Variants in MAP3K21 observed in about 807,000 individuals in gnomAD.
The protein encoded by MAP3K21 is mitogen-activated protein kinase kinase kinase 21.
MAP3K21 carries 63 observed loss-of-function variants against 86.1 expected under a neutral mutation model. That is an observed-to-expected ratio of 0.73 (90% confidence interval 0.60 to 0.90). The LOEUF (loss-of-function observed/expected upper bound fraction) is 0.90, where lower values mean the gene tolerates loss of function less well. Among genes scored for constraint, MAP3K21 ranks in the 40% least tolerant of loss-of-function variants. The pLI, the probability that MAP3K21 is intolerant of heterozygous loss-of-function variation, is 0.00. For synonymous variants in MAP3K21, 558 were observed against 564.8 expected, an observed-to-expected ratio of 0.99 and a Z score of 0.17; for missense variants, 1,220 against 1,367.7, an observed-to-expected ratio of 0.89 and a Z score of 1.70.
chr1:233,354,013 A>AT (rs1205131350), intron 3 of MAP3K21, 58 bp downstream of exon 3: 6 of 1,375,862 alleles, frequency 4.4e-6, no homozygotes, highest in Non-Finnish European at 5.7e-6. Flanking sequence ...TTAGAATATC[A>AT]TTTTTTAAAA....
At chr1:233,342,833 T>G (rs1422671245) in intron 1 of MAP3K21, among the ~76,000 whole-genome samples, 3 of 152,120 alleles carry the variant, frequency 2.0e-5, no homozygotes, top group Non-Finnish European at 4.4e-5. Context: ...CCATGTAGTA[T>G]AGCATTAAGA....
chr1:233,343,125 G>A (rs1221460895), intron 1 of MAP3K21, among the ~76,000 whole-genome samples: 1 of 152,038 alleles, frequency 6.6e-6, no homozygotes, highest in Non-Finnish European at 1.5e-5. Flanking sequence ...AATTGCATTA[G>A]CTCCTATGAC....
intron 8 of MAP3K21, among the ~76,000 whole-genome samples, chr1:233,376,767 CATT>C (rs1327917467): frequency 5.9e-5 from 9 of 152,166 alleles, no homozygotes; most frequent in African/African-American, 1.4e-4. Flanking sequence ...TTACCAGAAA[CATT>C]ATTATCACAA....
chr1:233,365,777 G>A (rs1663560930), intron 5 of MAP3K21, among the ~76,000 whole-genome samples: 1 of 151,958 alleles, frequency 6.6e-6, no homozygotes, highest in Non-Finnish European at 1.5e-5. Context: ...AAACAGTATG[G>A]AGGTCTCTCA....
intron 1 of MAP3K21, among the ~76,000 whole-genome samples, chr1:233,339,350 CCCT>C (rs1662986422): frequency 1.2e-5 from 1 of 80,876 alleles, no homozygotes; most frequent in Admixed American, 1.6e-4. Context: ...TCCCTCTTCT[CCCT>C]CTTCTCCTTC....
intron 1 of MAP3K21, among the ~76,000 whole-genome samples, chr1:233,344,507 CT>C (rs1297830857): frequency 2.0e-5 from 3 of 152,152 alleles, no homozygotes; most frequent in Admixed American, 2.0e-4. Context: ...ATAAATGGTG[CT>C]GGGAAAACTG....
intron 2 of MAP3K21, among the ~76,000 whole-genome samples, chr1:233,350,504 TA>T (rs901927119): frequency 7.2e-5 from 11 of 151,974 alleles, no homozygotes; most frequent in African/African-American, 1.9e-4. Context: ...GATATTTCCA[TA>T]AAAAAAAGTT....
intron 4 of MAP3K21, among the ~76,000 whole-genome samples, chr1:233,359,468 C>T (rs1263494922): frequency 6.6e-6 from 1 of 152,134 alleles, no homozygotes; most frequent in Non-Finnish European, 1.5e-5. Context: ...GCATAGTGTA[C>T]GTGCCCTATC....
At position 233,362,188 on chromosome 1, in the gene MAP3K21, A is replaced by T; in HGVS notation, c.1447A>T (p.Ile483Leu). ...GCTGGAGCGGGAACTTAACATTCTG[A>T]TATTCCAGCTAAACCAGGAGAAGCC... is the stretch of plus-strand genomic sequence containing the variant. The part of the protein sequence containing the change: ...DVLERELNIL[I>L]FQLNQEKPKV... The change falls in exon 5 of 10, where the codon ATA becomes TTA. Residue 483 changes from isoleucine (I) to leucine (L), a missense_variant. Physicochemically the swap from Ile to Leu is conservative, Grantham distance 5 (BLOSUM62 2). Coordinates refer to ENST00000366624, the MANE Select transcript of MAP3K21 (RefSeq NM_032435.3). The T allele has an allele frequency of 6.2e-7, 1 of 1,614,204 alleles. No individual in the cohort carries two copies. The highest frequency in any genetic ancestry group is 8.5e-7 in the Non-Finnish European group (1 of 1,180,048).
At chr1:233,362,622 A>G (rs768516289) in intron 5 of MAP3K21, among the ~76,000 whole-genome samples, 2 of 152,108 alleles carry the variant, frequency 1.3e-5, no homozygotes, top group Non-Finnish European at 2.9e-5. Context: ...AGCCAATGTC[A>G]TGTGGCATTG....
At chr1:233,330,031 T>A (rs1387444051) in intron 1 of MAP3K21, among the ~76,000 whole-genome samples, 1 of 152,270 alleles carries the variant, frequency 6.6e-6, no homozygotes, top group Non-Finnish European at 1.5e-5. Flanking sequence ...AGCCCTGGCA[T>A]TGGCCTACAA....
chr1:233,358,358 G>A (rs565474586), intron 4 of MAP3K21, among the ~76,000 whole-genome samples: 2 of 152,022 alleles, frequency 1.3e-5, no homozygotes, highest in South Asian at 4.1e-4. Flanking sequence ...GACTGGAATA[G>A]GTTTGACATC....
intron 5 of MAP3K21, among the ~76,000 whole-genome samples, chr1:233,367,110 C>A (rs778182551): frequency 6.6e-6 from 1 of 152,126 alleles, no homozygotes; most frequent in South Asian, 2.1e-4. Flanking sequence ...TAATACAAGA[C>A]AAAAGCTTTA....
At chr1:233,368,657 A>T (rs1663625844) in intron 5 of MAP3K21, among the ~76,000 whole-genome samples, 1 of 81,250 alleles carries the variant, frequency 1.2e-5, no homozygotes, top group Non-Finnish European at 3.3e-5. Flanking sequence ...TCTTGTCTTT[A>T]AAAAAAAAAA....
At position 233,351,304 on chromosome 1, in the gene MAP3K21, T is replaced by C. The variant is rs1663248799; in HGVS notation, c.987-2503T>C. Among the ~76,000 whole-genome samples, 2 of 152,188 alleles carry C rather than the reference T, an allele frequency of 1.3e-5. 1 individual carries two copies. Among genetic ancestry groups the C allele is most frequent in the South Asian group, 4.1e-4 (2 of 4,834 alleles). On this transcript the variant is annotated intron_variant, in intron 2 of 9. Transcript: ENST00000366624. ...TAATTTACAAGTAGTACATTAAATA[T>C]ATTATATATTTCCTTTTTGAGATAA... is the stretch of plus-strand genomic sequence containing the variant.
At chr1:233,341,465 T>A (rs1663038823) in intron 1 of MAP3K21, among the ~76,000 whole-genome samples, 1 of 152,168 alleles carries the variant, frequency 6.6e-6, no homozygotes. Flanking sequence ...GGTTGACATT[T>A]GGAGTGTGAT....
chr1:233,327,947 C>A lies in MAP3K21; in HGVS notation c.-82C>A. On this transcript the variant is annotated 5_prime_UTR_variant, in exon 1 of 10. Coordinates refer to ENST00000366624, the MANE Select transcript of MAP3K21 (RefSeq NM_032435.3). ...CGCCTTCCCCCGGCGCCGACGGCCA[C>A]ACCGCCGGACGATGCGCGCCCGCGG... The A allele has an allele frequency of 8.7e-7, 1 of 1,154,398 alleles. No individual in the cohort carries two copies. Among genetic ancestry groups the A allele is most frequent in the Non-Finnish European group, 1.1e-6 (1 of 921,194 alleles). 71.5% of individuals were successfully genotyped at this position (1,154,398 alleles called of 1,614,324 possible).
chr1:233,339,443 TCTCCTCCTC>T (rs1351284216), intron 1 of MAP3K21, among the ~76,000 whole-genome samples: 3 of 125,336 alleles, frequency 2.4e-5, no homozygotes, highest in Non-Finnish European at 3.3e-5. Flanking sequence ...TCCTCCTCCT[TCTCCTCCTC>T]CTTCTCCTCC....
At position 233,382,412 on chromosome 1, in the gene MAP3K21, A is replaced by G; in HGVS notation, c.2812A>G (p.Thr938Ala). Residue 938 changes from threonine (T) to alanine (A), a missense_variant, in exon 10 of 10, where the codon ACT becomes GCT. By Grantham distance (58) the Thr-to-Ala change is moderately conservative. Coordinates refer to ENST00000366624, the MANE Select transcript of MAP3K21 (RefSeq NM_032435.3). The part of the protein sequence containing the change: ...PREVSPKKHS[T>A]VHIVPQRRPA... ...GGAGGTCTCACCCAAGAAGCACAGC[A>G]CTGTCCACATCGTGCCTCAGCGTCG... 1 of 1,614,092 alleles carries G rather than the reference A, an allele frequency of 6.2e-7. No homozygotes were observed. Among genetic ancestry groups the G allele is most frequent in the South Asian group, 1.1e-5 (1 of 91,064 alleles).
Sources: gnomAD v4.1 joint callset for allele counts (sites outside exome capture counted in the v4.1 genomes callset) on GRCh38, gnomAD v4.1.1 for gene constraint, MANE v1.5 for transcripts, NCBI Gene and HGNC (gene_info 2026-07-23, HGNC 2026-07-21) for gene names.